Variants in EPHA7 observed in about 807,000 individuals in gnomAD.
EPHA7 encodes the protein ephrin type-A receptor 7.
A neutral mutation model predicts 112.6 loss-of-function variants in EPHA7; 25 were observed. That is an observed-to-expected ratio of 0.22 (90% CI 0.16 to 0.31). The LOEUF is 0.31. Among genes scored for constraint, EPHA7 ranks in the 10% least tolerant of loss-of-function variants. The probability of loss-of-function intolerance (pLI) is 1.00; values close to 1 mark genes in which losing one functional copy is unlikely to be tolerated. For missense variants in EPHA7, 962 were observed against 1,212.6 expected (o/e 0.79, Z 3.07); for synonymous variants, 437 against 406.5 (o/e 1.07, Z -0.90).
chr6:93,284,737 A>AAC lies in EPHA7; in HGVS notation c.1325-12317_1325-12316dup, dbSNP rs1332323607. Among the ~76,000 whole-genome samples the AAC allele has an allele frequency of 2.6e-5, 4 of 152,178 alleles. No individual in the cohort carries two copies. The East Asian group carries it at 7.7e-4, about 29-fold the overall frequency. On this transcript the variant is annotated intron_variant, in intron 5 of 16. Transcript: ENST00000369303. ...TGGAAACCATCATTCTCAGAAAACT[A>AAC]ACACAAGAACAGAAACCCAAACACC...
intron 5 of EPHA7, among the ~76,000 whole-genome samples, chr6:93,278,013 C>G (rs1368624225): frequency 6.6e-6 from 1 of 151,934 alleles, no homozygotes; most frequent in African/African-American, 2.4e-5. Context: ...TTTGATCAAC[C>G]AAGAATCATT....
chr6:93,249,026 T>C (rs1770088169), intron 14 of EPHA7, among the ~76,000 whole-genome samples: 1 of 152,198 alleles, frequency 6.6e-6, no homozygotes. Flanking sequence ...GGTGTTTCTT[T>C]AAGTATTTTA....
chr6:93,387,412 A>C (rs1777663253), intron 3 of EPHA7, among the ~76,000 whole-genome samples: 1 of 152,118 alleles, frequency 6.6e-6, no homozygotes, highest in African/African-American at 2.4e-5. Context: ...AGTCTCTAGG[A>C]AATTCCCAAC....
At chr6:93,287,917 T>A (rs971984784) in intron 5 of EPHA7, among the ~76,000 whole-genome samples, 6 of 152,300 alleles carry the variant, frequency 3.9e-5, no homozygotes, top group South Asian at 2.1e-4. Context: ...ACTATAATTT[T>A]AAAAAATCTA....
chr6:93,321,475 G>A (rs1774069736), intron 5 of EPHA7, among the ~76,000 whole-genome samples: 1 of 151,874 alleles, frequency 6.6e-6, no homozygotes, highest in African/African-American at 2.4e-5. Flanking sequence ...ATATGACTGA[G>A]CTCACTAATT....
intron 5 of EPHA7, among the ~76,000 whole-genome samples, chr6:93,352,247 G>A (rs983533051): frequency 5.3e-5 from 8 of 152,064 alleles, no homozygotes; most frequent in Non-Finnish European, 8.8e-5. Flanking sequence ...TAATCCCAGA[G>A]TGAATGAAGT....
chr6:93,253,502 C>T (rs1770306844), intron 14 of EPHA7, among the ~76,000 whole-genome samples: 2 of 151,922 alleles, frequency 1.3e-5, no homozygotes, highest in African/African-American at 2.4e-5. Flanking sequence ...GTTTTAAGAC[C>T]CAATGTAGAT....
chr6:93,245,479 G>A (rs769504187), intron 15 of EPHA7, 26 bp from the exon 16 acceptor site: 80 of 1,598,342 alleles, frequency 5.0e-5, no homozygotes, highest in Non-Finnish European at 6.4e-5. Flanking sequence ...ACAGAAAAGC[G>A]AACATTATCC....
chr6:93,300,535 A>T (rs2127848805), intron 5 of EPHA7, among the ~76,000 whole-genome samples: 1 of 152,282 alleles, frequency 6.6e-6, no homozygotes, highest in South Asian at 2.1e-4. Flanking sequence ...TTTAAAAAGA[A>T]TTATACATGA....
Position 93,337,171 on chromosome 6 carries a change from G to A in EPHA7, c.1324+19546C>T, listed in dbSNP as rs549343081. Among the ~76,000 whole-genome samples the A allele has an allele frequency of 4.6e-5, 7 of 152,242 alleles. No homozygotes were observed. The South Asian group carries it at 1.5e-3, about 32-fold the overall frequency. On this transcript the variant is annotated intron_variant, in intron 5 of 16. Coordinates refer to ENST00000369303, the MANE Select transcript of EPHA7 (RefSeq NM_004440.4). The stretch of plus-strand genomic sequence containing the variant: ...TCAAAGTTCCACTTTTCTCCCATGG[G>A]AGACTGACCCAGAACACTGAAGAAA...
rs545257975 is a variant in EPHA7, at chr6:93,256,060, GC to G, written c.2173-24del. On this transcript the variant is annotated intron_variant, in intron 12 of 16. Coordinates refer to ENST00000369303, the MANE Select transcript of EPHA7 (RefSeq NM_004440.4). ...TTTCTGCAGGAAGACAAAAATAAAA[GC>G]CCAGTTAACTGCATACTTTAAAAGG... is the stretch of plus-strand genomic sequence containing the variant. 2.7e-4 allele frequency: 427 copies of G among 1,609,336 alleles called. 1 individual carries two copies. In the African/African-American group the frequency reaches 5.0e-3, roughly 19 times the overall value.
At chr6:93,416,650 G>C (rs947734028) in intron 1 of EPHA7, among the ~76,000 whole-genome samples, 1 of 152,210 alleles carries the variant, frequency 6.6e-6, no homozygotes, top group South Asian at 2.1e-4. Context: ...AAAAGAGCGC[G>C]TATCCCTTCC....
rs1396266107 is a variant in EPHA7 at position 93,416,883 on chromosome 6, C to A, written c.98-2116G>T. Among the ~76,000 whole-genome samples, 3 of 143,732 alleles carry A rather than the reference C, an allele frequency of 2.1e-5. No individual in the cohort carries two copies. The South Asian group carries it at 7.7e-4, about 37-fold the overall frequency. The allele number at this position is 143,732 out of a possible 152,430, so 94.3% of individuals were successfully genotyped here. On this transcript the variant is annotated intron_variant, in intron 1 of 16. Coordinates refer to ENST00000369303, the MANE Select transcript of EPHA7 (RefSeq NM_004440.4). ...CGTCCCGGGGCTGGGGCGGGGCCGT[C>A]GGAGGGGCGGGGCGGGGGCTGCCAG...
At chr6:93,290,456 A>G (rs1404601296) in intron 5 of EPHA7, among the ~76,000 whole-genome samples, 1 of 152,174 alleles carries the variant, frequency 6.6e-6, no homozygotes, top group Non-Finnish European at 1.5e-5. Flanking sequence ...GATAGGTAAT[A>G]CATACAAAAT....
intron 15 of EPHA7, among the ~76,000 whole-genome samples, chr6:93,246,449 C>G (rs1019793725): frequency 1.3e-5 from 2 of 152,014 alleles, no homozygotes; most frequent in Admixed American, 1.3e-4. Context: ...AAAACAAGGA[C>G]AACAGTAATA....
chr6:93,326,522 A>C (rs1774328545), intron 5 of EPHA7, among the ~76,000 whole-genome samples: 1 of 151,652 alleles, frequency 6.6e-6, no homozygotes, highest in South Asian at 2.1e-4. Context: ...GAAGATTTCC[A>C]GTTTCACTGA....
chr6:93,244,608 GA>G, intron 16 of EPHA7, among the ~76,000 whole-genome samples: 1 of 151,378 alleles, frequency 6.6e-6, no homozygotes, highest in Middle Eastern at 3.4e-3. Context: ...AGCCAGACAG[GA>G]AAAGTGAGTT....
chr6:93,278,144 T>C (rs1171830233), intron 5 of EPHA7, among the ~76,000 whole-genome samples: 1 of 151,968 alleles, frequency 6.6e-6, no homozygotes, highest in Non-Finnish European at 1.5e-5. Flanking sequence ...TAATTAATTA[T>C]TATAGGAGTT....
chr6:93,287,273 T>C (rs1772115077), intron 5 of EPHA7, among the ~76,000 whole-genome samples: 1 of 152,114 alleles, frequency 6.6e-6, no homozygotes, highest in Admixed American at 6.5e-5. Flanking sequence ...TATAGCCAAA[T>C]ATGAAAAAAA....
Sources: gnomAD v4.1 joint callset for allele counts (sites outside exome capture counted in the v4.1 genomes callset) on GRCh38, gnomAD v4.1.1 for gene constraint, MANE v1.5 for transcripts, NCBI Gene and HGNC (gene_info 2026-07-23, HGNC 2026-07-21) for gene names.